KIF5C: variants seen among roughly 807,000 people sequenced by gnomAD.
KIF5C encodes the protein kinesin family member 5C, also known as kinesin heavy chain isoform 5C.
In KIF5C, 18 loss-of-function variants were observed where a neutral mutation model predicts 125.2. The ratio of observed to expected loss-of-function variants is 0.14; its 90% CI spans 0.10 to 0.21. KIF5C has a LOEUF of 0.21. Among genes scored for constraint, KIF5C ranks in the 10% least tolerant of loss-of-function variants. The pLI, the probability that KIF5C is intolerant of heterozygous loss-of-function variation, is 1.00. For missense variants in KIF5C, 780 were observed against 1,183.8 expected, an observed-to-expected ratio of 0.66 and a Z score of 5.01; for synonymous variants, 405 against 434.0, an observed-to-expected ratio of 0.93 and a Z score of 0.83.
In KIF5C at chr2:148,876,010, G is replaced by T. The variant is rs1347370006; in HGVS notation, c.126+267G>T. Among the ~76,000 whole-genome samples the T allele has an allele frequency of 6.6e-6, 1 of 152,030 alleles. No homozygotes were observed. Among genetic ancestry groups the T allele is most frequent in the South Asian group, 2.1e-4 (1 of 4,826 alleles). On this transcript the variant is annotated intron_variant, in intron 1 of 25. Transcript: ENST00000435030. The surrounding 1 kb of genome is among the most constrained non-coding windows in gnomAD (Gnocchi z 4.7). ...GACGGGCTCGGCGCCGCCATTGTTC[G>T]CCGGGTGGGGGCCCGGGTGGGCCCA...
In KIF5C at chr2:148,934,942, C is replaced by T. The variant is rs1014116517; in HGVS notation, c.292-2342C>T. The T allele has an allele frequency of 5.3e-5, 14 of 265,726 alleles. 1 individual carries two copies. The highest frequency in any genetic ancestry group is 2.2e-4 in the South Asian group (7 of 32,234). The allele number at this position is 265,726 out of a possible 1,614,324, so 16.5% of individuals were successfully genotyped here. A position where few individuals can be genotyped will look rare whatever the true frequency, so the allele number is the denominator to read the frequency against. Reference sequence around the variant, plus strand: ...CCACATGCCCCTACATCCTCCCCTGCGTACACACACCTGCAGATTGTTTCG... The same window carrying T: ...CCACATGCCCCTACATCCTCCCCTGTGTACACACACCTGCAGATTGTTTCG... On this transcript the variant is annotated intron_variant, in intron 3 of 25. Transcript: ENST00000435030.
chr2:148,931,207 A>C (rs984870717), intron 3 of KIF5C, among the ~76,000 whole-genome samples: 1 of 152,218 alleles, frequency 6.6e-6, no homozygotes, highest in Non-Finnish European at 1.5e-5. Flanking sequence ...AAATCCCCCA[A>C]AATCTCTTGG....
intron 25 of KIF5C, among the ~76,000 whole-genome samples, chr2:149,021,404 T>G (rs947762885): frequency 3.5e-5 from 5 of 141,562 alleles, no homozygotes; most frequent in Non-Finnish European, 7.5e-5. Context: ...TGTTGTTCTG[T>G]TTTTTTTTTT....
chr2:149,000,354 C>G (rs576131784), intron 19 of KIF5C, 69 bp from the exon 20 acceptor site: 1 of 1,521,932 alleles, frequency 6.6e-7, no homozygotes, highest in Non-Finnish European at 8.9e-7. Flanking sequence ...AACAGAACCA[C>G]GGTTTTAGCC....
intron 1 of KIF5C, among the ~76,000 whole-genome samples, chr2:148,919,796 A>C (rs1052020035): frequency 3.3e-5 from 5 of 152,236 alleles, no homozygotes; most frequent in African/African-American, 1.2e-4. Flanking sequence ...AGTGCAAGAC[A>C]GGACACATAA....
At chr2:148,947,056 T>C in intron 8 of KIF5C, 33 bp downstream of exon 8, 3 of 1,577,526 alleles carry the variant, frequency 1.9e-6, no homozygotes, top group Non-Finnish European at 2.6e-6. Flanking sequence ...TATCTATAAT[T>C]TTCCCCTTTT....
intron 1 of KIF5C, among the ~76,000 whole-genome samples, chr2:148,895,881 G>C (rs915198794): frequency 3.7e-4 from 54 of 146,454 alleles, no homozygotes; most frequent in African/African-American, 1.3e-3. Flanking sequence ...CACACCCACA[G>C]AGATCTGGTG....
At chr2:148,985,613 T>C (rs1465335258) in intron 15 of KIF5C, among the ~76,000 whole-genome samples, 1 of 152,240 alleles carries the variant, frequency 6.6e-6, no homozygotes, top group Non-Finnish European at 1.5e-5. Flanking sequence ...TTACATTGCT[T>C]ACCTTACATG....
At chr2:148,998,843 A>AG (rs1553470505) in intron 19 of KIF5C, 2 of 147,590 alleles carry the variant, frequency 1.4e-5, no homozygotes, top group Admixed American at 7.7e-5. Flanking sequence ...AAAAAAAAAA[A>AG]AAAAAAGAAA....
chr2:148,961,317 C>T (rs1682920302), intron 10 of KIF5C, among the ~76,000 whole-genome samples: 1 of 152,090 alleles, frequency 6.6e-6, no homozygotes, highest in Admixed American at 6.5e-5. Context: ...GGTGTGTGCT[C>T]AGCAGGGAGC....
chr2:148,980,556 A>G (rs1479021906), intron 13 of KIF5C, among the ~76,000 whole-genome samples: 1 of 152,136 alleles, frequency 6.6e-6, no homozygotes, highest in Admixed American at 6.6e-5. Flanking sequence ...CCACTGTTGT[A>G]TACTGTTTTA....
At chr2:148,985,935 C>A (rs781400052) in intron 15 of KIF5C, among the ~76,000 whole-genome samples, 1 of 152,196 alleles carries the variant, frequency 6.6e-6, no homozygotes, top group Non-Finnish European at 1.5e-5. Flanking sequence ...CTAGCACAGA[C>A]TTCTCAGATA....
chr2:148,875,575 G>GCCCCCCCCCCCCCCCCCCCCCCCCCC lies in KIF5C; in HGVS notation c.-37_-36insCCCCCCCCCCCCCCCCCCCCCCCCCC. ...TCCTCCCTCGTCGTTCCCGGCCCCG[G>GCCCCCCCCCCCCCCCCCCCCCCCCCC]CCCCCCACCCATCCCCGTGCCCCCT... On this transcript the variant is annotated 5_prime_UTR_variant, in exon 1 of 26. Transcript: ENST00000435030. 4.3e-6 allele frequency: 3 copies of GCCCCCCCCCCCCCCCCCCCCCCCCCC among 699,600 alleles called. No homozygotes were observed. Among genetic ancestry groups the GCCCCCCCCCCCCCCCCCCCCCCCCCC allele is most frequent in the Non-Finnish European group, 7.7e-6 (3 of 389,226 alleles). 43.3% of individuals were successfully genotyped at this position (699,600 alleles called of 1,614,324 possible).
chr2:148,880,579 A>C (rs1209657060), intron 1 of KIF5C, among the ~76,000 whole-genome samples: 3 of 152,230 alleles, frequency 2.0e-5, no homozygotes, highest in African/African-American at 7.2e-5. Flanking sequence ...AAACTGCCAA[A>C]CTGTTTTCTA....
chr2:148,935,502 A>G (rs539361857), intron 3 of KIF5C, among the ~76,000 whole-genome samples: 5 of 152,344 alleles, frequency 3.3e-5, no homozygotes, highest in South Asian at 2.1e-4. Flanking sequence ...GTTTCTGCCA[A>G]TGATCTCCAT....
chr2:149,017,498 C>G (rs1196890842), intron 25 of KIF5C, among the ~76,000 whole-genome samples: 3 of 152,198 alleles, frequency 2.0e-5, no homozygotes, highest in African/African-American at 4.8e-5. Context: ...CCAGCTCCCT[C>G]GTTTTGAGAG....
intron 10 of KIF5C, among the ~76,000 whole-genome samples, chr2:148,956,122 C>T (rs4130557): frequency 0.14 from 21,066 of 152,102 alleles, 2,231 homozygotes; most frequent in African/African-American, 0.29. Context: ...CTTCTCCCCA[C>T]TCAAGGAGGG....
chr2:148,890,591 C>A (rs931101671), intron 1 of KIF5C, among the ~76,000 whole-genome samples: 2 of 152,068 alleles, frequency 1.3e-5, no homozygotes, highest in Non-Finnish European at 2.9e-5. Flanking sequence ...GAGGAGAGAG[C>A]AAGGTTGCTA....
intron 3 of KIF5C, among the ~76,000 whole-genome samples, chr2:148,934,509 C>G (rs1034078405): frequency 4.6e-5 from 7 of 150,896 alleles, no homozygotes; most frequent in African/African-American, 1.7e-4. Context: ...TACATGCACA[C>G]ATACAGGCAG....
Sources: gnomAD v4.1 joint callset for allele counts (sites outside exome capture counted in the v4.1 genomes callset) on GRCh38, gnomAD v4.1.1 for gene constraint, Gnocchi (gnomAD v3.1) non-coding constraint, MANE v1.5 for transcripts, NCBI Gene and HGNC (gene_info 2026-07-23, HGNC 2026-07-21) for gene names.